The following TUT7 variants were observed in gnomAD, a reference collection of about 807,000 sequenced individuals.
The protein encoded by TUT7 is terminal uridylyl transferase 7, also known as terminal uridylyltransferase 7.
TUT7 carries 33 observed loss-of-function variants against 165.9 expected under a neutral mutation model. The ratio of observed to expected loss-of-function variants is 0.20; its 90% confidence interval spans 0.15 to 0.27. TUT7 has a LOEUF of 0.27. Among genes scored for constraint, TUT7 ranks in the 10% least tolerant of loss-of-function variants. TUT7 has a pLI of 1.00. For synonymous variants in TUT7, 552 were observed against 608.1 expected (o/e 0.91, Z 1.36); for missense variants, 1,338 against 1,762.3 (o/e 0.76, Z 4.31).
chr9:86,337,699 T>C (rs1396900255), intron 9 of TUT7, among the ~76,000 whole-genome samples, 161 bp from the exon 10 acceptor site: 2 of 152,228 alleles, frequency 1.3e-5, no homozygotes, highest in East Asian at 3.8e-4. Context: ...TCCTTATACT[T>C]TTGCAGCAAC....
rs377461744 is a variant in TUT7, at chr9:86,328,358, C to T, written c.1590G>A (p.Thr530=). ...AACAGACCTGTCCCCTTTTAATCGG[C>T]GTTTCTCTTGGTGCCTCTTCTTTTG... is the stretch of plus-strand genomic sequence containing the variant. The part of the protein sequence containing the change: ...GITKEEAPRE[T]PIKRGQVSLI... Residue 530 remains threonine, a synonymous_variant, in exon 11 of 27, where the codon ACG becomes ACA. Coordinates refer to ENST00000375963, the MANE Select transcript of TUT7 (RefSeq NM_024617.4). 1.1e-5 allele frequency: 17 copies of T among 1,601,560 alleles called. No homozygotes were observed. The highest frequency in any genetic ancestry group is 3.4e-5 in the South Asian group (3 of 88,802).
chr9:86,288,745 C>T lies in TUT7; in HGVS notation c.4421-1G>A. 6.2e-7 allele frequency: 1 copy of T among 1,610,600 alleles called. No homozygotes were observed. The highest frequency in any genetic ancestry group is 8.5e-7 in the Non-Finnish European group (1 of 1,177,810). On this transcript the variant is annotated splice_acceptor_variant, in intron 26 of 26. Coordinates refer to ENST00000375963, the MANE Select transcript of TUT7 (RefSeq NM_024617.4). LOFTEE classifies it high-confidence loss of function. ...GTCATATATTTACTGGAAAGGCTAC[C>T]TAGAGGAGGGGAAGAAACAAAACCC...
chr9:86,322,648 T>C (rs1024864547), intron 13 of TUT7, among the ~76,000 whole-genome samples, 173 bp from the exon 14 acceptor site: 1 of 152,224 alleles, frequency 6.6e-6, no homozygotes, highest in African/African-American at 2.4e-5. Flanking sequence ...ATAGTATCAT[T>C]AGGAGAACAT....
chr9:86,352,753 T>G lies in TUT7; in HGVS notation c.447A>C (p.Arg149Ser), dbSNP rs144572642. 11 of 1,614,108 alleles carry G rather than the reference T, an allele frequency of 6.8e-6. No individual in the cohort carries two copies. Among genetic ancestry groups the G allele is most frequent in the Non-Finnish European group, 9.3e-6 (11 of 1,180,046 alleles). The change falls in exon 2 of 27, where the codon AGA becomes AGC. Residue 149 changes from arginine (R) to serine (S), a missense_variant. This residue lies in a region of TUT7 where 434 missense variants were observed against 480.8 expected (regional missense o/e 0.90). Transcript: ENST00000375963. ...CTTTATGAAACAGTCGTCTTACAGT[T>G]CTGCAGCCTCTTGTGTCTTGCCACC... is the stretch of plus-strand genomic sequence containing the variant. ...GYRWQDTRGC[R>S]TVRRLFHKDL...
intron 26 of TUT7, among the ~76,000 whole-genome samples, chr9:86,289,553 G>A (rs530482753): frequency 5.6e-4 from 74 of 133,114 alleles, no homozygotes; most frequent in African/African-American, 2.1e-3. Flanking sequence ...AAGTCAGAGC[G>A]TAAGAAAGAG....
At position 86,309,997 on chromosome 9, in the gene TUT7, A is replaced by G; in HGVS notation, c.3399T>C (p.Leu1133=). The G allele has an allele frequency of 1.2e-6, 2 of 1,613,834 alleles. No homozygotes were observed. The highest frequency in any genetic ancestry group is 1.7e-6 in the Non-Finnish European group (2 of 1,179,842). The change falls in exon 19 of 27, where the codon CTT becomes CTC. Residue 1133 remains leucine, a synonymous_variant. Transcript: ENST00000375963. ...YNTLALHNTR[L]LSAYSAIDPR... Reference sequence around the variant, plus strand: ...GATCAATGGCGGAATAAGCAGATAAAAGCCTTGTGTTATGAAGGGCCTGTT... The same window carrying G: ...GATCAATGGCGGAATAAGCAGATAAGAGCCTTGTGTTATGAAGGGCCTGTT...
Position 86,322,447 on chromosome 9 carries a change from T to C in TUT7, c.2906A>G (p.Lys969Arg), listed in dbSNP as rs758220164. ...GTCCTTCTTTAGATGACCCTCTCGTTTGCATAAGCTGCACACTACCGTAGG... is the reference window on the plus strand; with the variant it reads ...GTCCTTCTTTAGATGACCCTCTCGTCTGCATAAGCTGCACACTACCGTAGG... ...KSPTVVCSLC[K>R]REGHLKKDCP... Residue 969 changes from lysine to arginine, a missense_variant, in exon 14 of 27, where the codon AAA becomes AGA. Around this residue, in one of 7 missense-constraint regions of TUT7, gnomAD observed 425 missense variants for 474.9 expected, o/e 0.89. Transcript: ENST00000375963. The C allele has an allele frequency of 4.2e-5, 68 of 1,613,924 alleles. No homozygotes were observed. In the African/African-American group the frequency reaches 8.3e-4, roughly 20 times the overall value.
chr9:86,312,480 G>C (rs1828243047), intron 17 of TUT7, among the ~76,000 whole-genome samples: 1 of 151,100 alleles, frequency 6.6e-6, no homozygotes, highest in African/African-American at 2.4e-5. Flanking sequence ...CCCCATCCGG[G>C]AGGGAGGTGG....
At position 86,353,163 on chromosome 9, in the gene TUT7, T is replaced by A. The variant is rs753020716; in HGVS notation, c.37A>T (p.Thr13Ser). Reference sequence around the variant, plus strand: ...TCATCCATAGTCCCCCGGTCTTTAGTGCGCTTCACGAAATAAGGTTTTGCT... The same window carrying A: ...TCATCCATAGTCCCCCGGTCTTTAGAGCGCTTCACGAAATAAGGTTTTGCT... Reference protein sequence around the residue: ...DTAKPYFVKRTKDRGTMDDDD... With the variant: ...DTAKPYFVKRSKDRGTMDDDD... Residue 13 changes from threonine (T) to serine (S), a missense_variant, in exon 2 of 27, where the codon ACT becomes TCT. Thr to Ser is a moderately conservative substitution (Grantham distance 58, BLOSUM62 1). Around this residue, in one of 7 missense-constraint regions of TUT7, gnomAD observed 434 missense variants for 480.8 expected, o/e 0.90. Coordinates refer to ENST00000375963, the MANE Select transcript of TUT7 (RefSeq NM_024617.4). 1.9e-6 allele frequency: 3 copies of A among 1,594,760 alleles called. No homozygotes were observed. Among genetic ancestry groups the A allele is most frequent in the Admixed American group, 3.6e-5 (2 of 54,996 alleles).
chr9:86,301,739 C>G (rs2131305185), intron 25 of TUT7, 138 bp from the exon 26 acceptor site: 1 of 1,460,730 alleles, frequency 6.8e-7, no homozygotes, highest in Non-Finnish European at 9.0e-7. Flanking sequence ...AAAGCAAGAA[C>G]CTAAATGAAA....
Position 86,345,227 on chromosome 9 carries a change from C to T in TUT7, c.820-73G>A, listed in dbSNP as rs1408882006. 4 of 1,431,820 alleles carry T rather than the reference C, an allele frequency of 2.8e-6. No individual in the cohort carries two copies. The East Asian group carries it at 7.1e-5, about 25-fold the overall frequency. The allele number at this position is 1,431,820 out of a possible 1,614,324, so 88.7% of individuals were successfully genotyped here. A position where few individuals can be genotyped will look rare whatever the true frequency, so the allele number is the denominator to read the frequency against. ...GACCTTCTACCACTCATGAAGACAA[C>T]ACCCTATAGAGTTTTCTTTTTCTTA... On this transcript the variant is annotated intron_variant, in intron 4 of 26. Coordinates refer to ENST00000375963, the MANE Select transcript of TUT7 (RefSeq NM_024617.4).
intron 26 of TUT7, among the ~76,000 whole-genome samples, chr9:86,300,171 C>T (rs970204060): frequency 6.6e-6 from 1 of 152,122 alleles, no homozygotes; most frequent in Non-Finnish European, 1.5e-5. Flanking sequence ...TTAAACCCTA[C>T]TCTAAAAATA....
intron 1 of TUT7, 49 bp from the exon 2 acceptor site, chr9:86,353,279 A>C: frequency 1.2e-5 from 17 of 1,395,598 alleles, no homozygotes; most frequent in Non-Finnish European, 1.5e-5. Flanking sequence ...ACAAGATATC[A>C]TACAAGTATA....
rs965069825 is a variant in TUT7 at position 86,309,253 on chromosome 9, C to G, written c.3619G>C (p.Asp1207His). 6.4e-7 allele frequency: 1 copy of G among 1,573,882 alleles called. No homozygotes were observed. The highest frequency in any genetic ancestry group is 1.4e-5 in the African/African-American group (1 of 73,792). Residue 1207 changes from aspartate to histidine, a missense_variant, in exon 21 of 27, where the codon GAT becomes CAT. This residue lies in a region of TUT7 where 157 missense variants were observed against 357.5 expected (regional missense o/e 0.44). Coordinates refer to ENST00000375963, the MANE Select transcript of TUT7 (RefSeq NM_024617.4). ...TCAAAAAAATAAATATTCCAGCCATCAACAAATATTTCAGGTTTCTTTTCA... is the reference window on the plus strand; with the variant it reads ...TCAAAAAAATAAATATTCCAGCCATGAACAAATATTTCAGGTTTCTTTTCA... ...KGEKKPEIFV[D>H]GWNIYFFDQI...
chr9:86,341,155 A>C (rs1831286544), intron 6 of TUT7, 102 bp from the exon 7 acceptor site: 1 of 903,982 alleles, frequency 1.1e-6, no homozygotes, highest in Non-Finnish European at 1.8e-6. Flanking sequence ...CTAAATGAGA[A>C]ATGCACATTG....
chr9:86,305,328 G>T, intron 22 of TUT7, 89 bp from the exon 23 acceptor site: 1 of 851,256 alleles, frequency 1.2e-6, no homozygotes, highest in Non-Finnish European at 1.8e-6. Context: ...AACAAGACAA[G>T]AATATCATCT....
At chr9:86,352,008 T>C (rs1228762809) in intron 2 of TUT7, among the ~76,000 whole-genome samples, 1 of 152,190 alleles carries the variant, frequency 6.6e-6, no homozygotes, top group East Asian at 1.9e-4. Flanking sequence ...ATTATCCCTT[T>C]GGGGCAATTA....
chr9:86,346,427 C>T lies in TUT7; in HGVS notation c.574G>A (p.Glu192Lys). 1.9e-6 allele frequency: 3 copies of T among 1,614,092 alleles called. No homozygotes were observed. Among genetic ancestry groups the T allele is most frequent in the Non-Finnish European group, 1.7e-6 (2 of 1,179,976 alleles). ...PRKPRKTRNE[E>K]NEQDGDLEGP... ...TCCAAGTCTCCATCCTGCTCATTTT[C>T]CTCATTTCTAGTCTTCCGTGGCTTC... The change falls in exon 3 of 27, where the codon GAA becomes AAA. Residue 192 changes from glutamate (E) to lysine (K), a missense_variant. This residue lies in a region of TUT7 where 434 missense variants were observed against 480.8 expected (regional missense o/e 0.90). Coordinates refer to ENST00000375963, the MANE Select transcript of TUT7 (RefSeq NM_024617.4).
rs1370240552 is a variant in TUT7, at chr9:86,323,165, A to G, written c.2585T>C (p.Leu862Pro). The G allele has an allele frequency of 2.3e-5, 37 of 1,614,060 alleles. No individual in the cohort carries two copies. Among genetic ancestry groups the G allele is most frequent in the Non-Finnish European group, 3.1e-5 (37 of 1,180,004 alleles). The change falls in exon 13 of 27, where the codon CTC (leucine) becomes CCC (proline). Residue 862 changes from leucine (L) to proline (P), a missense_variant. Around this residue, in one of 7 missense-constraint regions of TUT7, gnomAD observed 425 missense variants for 474.9 expected, o/e 0.89. Transcript: ENST00000375963. Reference protein sequence around the residue: ...EEEEEEEEPRLTINQREDEDG... With the variant: ...EEEEEEEEPRPTINQREDEDG... The stretch of plus-strand genomic sequence containing the variant: ...TTCATCTTCCCTTTGGTTAATGGTG[A>G]GCCTAGGTTCTTCTTCCTCCTCCTC...
Sources: gnomAD v4.1 joint callset for allele counts (sites outside exome capture counted in the v4.1 genomes callset) on GRCh38, gnomAD v4.1.1 for gene constraint, gnomAD v4.1.1 regional missense constraint, MANE v1.5 for transcripts, NCBI Gene and HGNC (gene_info 2026-07-23, HGNC 2026-07-21) for gene names.